Variants in DPP10 observed in about 807,000 individuals in gnomAD.
The protein encoded by DPP10 is dipeptidyl peptidase like 10, also known as inactive dipeptidyl peptidase 10.
Under a neutral mutation model 120.9 loss-of-function variants are expected in DPP10, and 33 were observed. That is an observed-to-expected ratio of 0.27 (90% CI 0.21 to 0.37). The LOEUF (loss-of-function observed/expected upper bound fraction) is 0.37. Among genes scored for constraint, DPP10 ranks in the 10% least tolerant of loss-of-function variants. The pLI, the probability that DPP10 is intolerant of heterozygous loss-of-function variation, is 1.00. For missense variants in DPP10, 816 were observed against 942.8 expected, an observed-to-expected ratio of 0.87 and a Z score of 1.76; for synonymous variants, 337 against 326.1, an observed-to-expected ratio of 1.03 and a Z score of -0.36.
intron 1 of DPP10, among the ~76,000 whole-genome samples, chr2:114,702,912 C>T (rs577106742): frequency 3.9e-5 from 6 of 152,210 alleles, no homozygotes; most frequent in Non-Finnish European, 7.4e-5. Flanking sequence ...TTGTTCACAT[C>T]AAAATCTTCA....
chr2:115,778,148 C>T (rs1452256756), intron 15 of DPP10, among the ~76,000 whole-genome samples: 2 of 152,050 alleles, frequency 1.3e-5, no homozygotes, highest in East Asian at 1.9e-4. Flanking sequence ...TATTTTCCCT[C>T]GTGCCTTCAT....
At chr2:115,628,197 T>G (rs2085524570) in intron 5 of DPP10, among the ~76,000 whole-genome samples, 1 of 152,180 alleles carries the variant, frequency 6.6e-6, no homozygotes, top group African/African-American at 2.4e-5. Flanking sequence ...TCTTAAATTT[T>G]TAATAATCAC....
rs138823457 is a variant in DPP10 at position 115,815,022 on chromosome 2, A to G, written c.1895+35A>G. 1.8e-4 allele frequency: 285 copies of G among 1,555,836 alleles called. 1 individual carries two copies. In the African/African-American group the frequency reaches 3.3e-3, roughly 18 times the overall value. ...TGCACATTTTTCTTCTCTGTTTTCT[A>G]TAATGACAGAGTCTTGGTATATGAC... is the stretch of plus-strand genomic sequence containing the variant. On this transcript the variant is annotated intron_variant, in intron 20 of 25. Transcript: ENST00000410059.
At chr2:114,465,219 A>G (rs1202336273) in intron 1 of DPP10, among the ~76,000 whole-genome samples, 1 of 152,208 alleles carries the variant, frequency 6.6e-6, no homozygotes, top group Non-Finnish European at 1.5e-5. Flanking sequence ...AATATCGTCC[A>G]CGTGTCTTAG....
chr2:115,824,148 C>T (rs1009825660), intron 21 of DPP10, among the ~76,000 whole-genome samples: 2 of 152,022 alleles, frequency 1.3e-5, no homozygotes, highest in Non-Finnish European at 2.9e-5. Context: ...TATATATACA[C>T]CTCCATAAAG....
At chr2:115,070,925 A>C (rs1406072865) in intron 1 of DPP10, among the ~76,000 whole-genome samples, 2 of 152,130 alleles carry the variant, frequency 1.3e-5, no homozygotes, top group Non-Finnish European at 2.9e-5. Context: ...TTAGGCGTGA[A>C]ATTTCCCAGA....
At chr2:114,515,915 C>T (rs190370869) in intron 1 of DPP10, among the ~76,000 whole-genome samples, 44 of 152,176 alleles carry the variant, frequency 2.9e-4, no homozygotes, top group South Asian at 4.1e-4. Context: ...ATTAATTCTC[C>T]GCATGCTGAG....
chr2:114,634,209 C>T (rs955161698), intron 1 of DPP10, among the ~76,000 whole-genome samples: 3 of 151,802 alleles, frequency 2.0e-5, no homozygotes, highest in African/African-American at 7.3e-5. Context: ...TGTGTTTTAT[C>T]ATCTGCTATC....
chr2:114,464,408 T>C (rs1679180041), intron 1 of DPP10, among the ~76,000 whole-genome samples: 2 of 152,122 alleles, frequency 1.3e-5, no homozygotes, highest in African/African-American at 4.8e-5. Flanking sequence ...GTGGGGAGTC[T>C]GTTCAGTTAT....
At chr2:114,695,278 T>G (rs1020471936) in intron 1 of DPP10, among the ~76,000 whole-genome samples, 2 of 152,006 alleles carry the variant, frequency 1.3e-5, no homozygotes, top group Admixed American at 6.6e-5. Context: ...TAATGGAATG[T>G]GAAATAGAGA....
At chr2:115,366,101 G>C (rs952696591) in intron 3 of DPP10, among the ~76,000 whole-genome samples, 1 of 151,918 alleles carries the variant, frequency 6.6e-6, no homozygotes, top group Non-Finnish European at 1.5e-5. Context: ...AGCTGATACT[G>C]AAGTATTATT....
At chr2:114,926,222 G>A (rs775887122) in intron 1 of DPP10, among the ~76,000 whole-genome samples, 1 of 152,130 alleles carries the variant, frequency 6.6e-6, no homozygotes. Context: ...CAAAGAAGAC[G>A]GAATTTAAGG....
intron 15 of DPP10, among the ~76,000 whole-genome samples, chr2:115,779,795 A>G (rs945893088): frequency 3.3e-5 from 5 of 151,878 alleles, no homozygotes; most frequent in African/African-American, 1.2e-4. Context: ...AATGAAAAAA[A>G]ATGGCTATGG....
chr2:114,772,743 T>A (rs750256471), intron 1 of DPP10, among the ~76,000 whole-genome samples: 6 of 151,998 alleles, frequency 3.9e-5, no homozygotes, highest in Non-Finnish European at 7.4e-5. Flanking sequence ...CTTAGGACCA[T>A]CTCCTGGTGG....
chr2:115,401,012 G>C (rs1008200965), intron 3 of DPP10, among the ~76,000 whole-genome samples: 1 of 152,186 alleles, frequency 6.6e-6, no homozygotes, highest in Admixed American at 6.5e-5. Flanking sequence ...CAGAGGTCCT[G>C]GTTGGGGGAG....
rs185806294 is a variant in DPP10, at chr2:115,788,978, T to G, written c.1532-2103T>G. Among the ~76,000 whole-genome samples the G allele has an allele frequency of 4.9e-3, 741 of 151,460 alleles. 8 individuals are homozygous for G. Among genetic ancestry groups the G allele is most frequent in the African/African-American group, 0.016 (655 of 41,264 alleles). ...CTAAAAATACAAAAAATTAGCCGGG[T>G]GTGGTGGCGGGCGCCTGTAGTCCCA... On this transcript the variant is annotated intron_variant, in intron 17 of 25. Transcript: ENST00000410059.
chr2:115,334,892 A>G (rs981654766), intron 2 of DPP10, among the ~76,000 whole-genome samples: 15 of 151,746 alleles, frequency 9.9e-5, no homozygotes, highest in Non-Finnish European at 1.5e-4. Flanking sequence ...CAAAAAATCT[A>G]TGCAAAATAT....
At chr2:115,033,848 G>A (rs1014176298) in intron 1 of DPP10, among the ~76,000 whole-genome samples, 6 of 148,532 alleles carry the variant, frequency 4.0e-5, no homozygotes, top group Non-Finnish European at 7.4e-5. Flanking sequence ...CTACATGCGT[G>A]AGCCACTGTG....
intron 1 of DPP10, among the ~76,000 whole-genome samples, chr2:115,073,869 T>A (rs1228824831): frequency 6.6e-6 from 1 of 152,212 alleles, no homozygotes; most frequent in East Asian, 1.9e-4. Context: ...AATGGTAGCT[T>A]TTTTATACTC....
Sources: allele counts gnomAD v4.1 joint callset (sites outside exome capture counted in the v4.1 genomes callset), GRCh38; gene constraint gnomAD v4.1.1; transcripts MANE v1.5; gene names NCBI Gene and HGNC (gene_info 2026-07-23, HGNC 2026-07-21).